The following CNTLN variants were observed in gnomAD, a reference collection of about 807,000 sequenced individuals.
The protein encoded by CNTLN is centlein.
In CNTLN, 212 loss-of-function variants were observed where a neutral mutation model predicts 180.0. The ratio of observed to expected loss-of-function variants is 1.18; its 90% CI spans 1.05 to 1.32. The LOEUF is 1.32. Among genes scored for constraint, CNTLN ranks in the 40% most tolerant of loss-of-function variants. The pLI is 0.00. For synonymous variants in CNTLN, 722 were observed against 563.1 expected (o/e 1.28, Z -3.99); for missense variants, 2,095 against 1,610.9 (o/e 1.30, Z -5.14).
chr9:17,174,095 T>A (rs1820572338), intron 2 of CNTLN, among the ~76,000 whole-genome samples: 2 of 152,230 alleles, frequency 1.3e-5, no homozygotes, highest in Non-Finnish European at 1.5e-5. Context: ...TCAGACAGCA[T>A]GTAACTTTTT....
chr9:17,300,989 G>A (rs1037672533), intron 7 of CNTLN: 1 of 983,942 alleles, frequency 1.0e-6, no homozygotes. Flanking sequence ...AATGGTAGAA[G>A]CAAGAAAAGA....
chr9:17,135,797 G>C (rs563148124), intron 1 of CNTLN, among the ~76,000 whole-genome samples: 2 of 152,224 alleles, frequency 1.3e-5, no homozygotes, highest in Non-Finnish European at 2.9e-5. Flanking sequence ...TAGTTGAAAT[G>C]AACAGGAAAG....
chr9:17,407,864 G>A (rs1306367093), intron 15 of CNTLN, among the ~76,000 whole-genome samples: 6 of 152,114 alleles, frequency 3.9e-5, no homozygotes, highest in Admixed American at 2.0e-4. Context: ...GGTGGCTCAC[G>A]CCTGTAATCC....
rs530172447 is a variant in CNTLN, at chr9:17,208,271, T to C, written c.450-17932T>C. Among the ~76,000 whole-genome samples, 73 of 152,328 alleles carry C rather than the reference T, an allele frequency of 4.8e-4. 1 individual carries two copies. In the South Asian group the frequency reaches 0.015, roughly 31 times the overall value. ...TATTATGTTGATAGGATATATCTCA[T>C]TGACTGATTTGCATATGTTGAACTA... On this transcript the variant is annotated intron_variant, in intron 2 of 25. Transcript: ENST00000380647.
At chr9:17,417,899 A>T (rs1828388461) in intron 18 of CNTLN, among the ~76,000 whole-genome samples, 1 of 152,012 alleles carries the variant, frequency 6.6e-6, no homozygotes, top group African/African-American at 2.4e-5. Context: ...TGTAAAGATA[A>T]AATTAGGAGG....
the CNTLN span, among the ~76,000 whole-genome samples, chr9:17,524,133 A>G: frequency 6.6e-6 from 1 of 152,240 alleles, no homozygotes; most frequent in South Asian, 2.1e-4. Flanking sequence ...AGAGTTTTCC[A>G]GAGAAGCAGA....
At chr9:17,231,302 C>G (rs972022662) in intron 3 of CNTLN, among the ~76,000 whole-genome samples, 1 of 152,040 alleles carries the variant, frequency 6.6e-6, no homozygotes, top group Non-Finnish European at 1.5e-5. Context: ...TTATTTAACT[C>G]TTACTTCTGT....
intron 16 of CNTLN, among the ~76,000 whole-genome samples, chr9:17,414,767 T>C (rs2133877327): frequency 6.6e-6 from 1 of 152,320 alleles, no homozygotes; most frequent in East Asian, 1.9e-4. Context: ...TTTTCTAGAT[T>C]GCATATATCT....
intron 5 of CNTLN, among the ~76,000 whole-genome samples, chr9:17,265,051 GC>G (rs760244109): frequency 2.1e-5 from 3 of 143,606 alleles, no homozygotes; most frequent in Admixed American, 7.0e-5. Flanking sequence ...CTGCCTAATT[GC>G]CCTGGCCAGA....
At chr9:17,317,250 C>T (rs540897536) in intron 8 of CNTLN, among the ~76,000 whole-genome samples, 3 of 152,042 alleles carry the variant, frequency 2.0e-5, no homozygotes, top group African/African-American at 7.2e-5. Flanking sequence ...GTGAGGTGAC[C>T]TCAAAATACG....
At chr9:17,251,205 T>G (rs910307388) in intron 5 of CNTLN, among the ~76,000 whole-genome samples, 5 of 151,904 alleles carry the variant, frequency 3.3e-5, no homozygotes, top group Admixed American at 2.6e-4. Context: ...ATTTCAAGAG[T>G]TTGATTATAA....
chr9:17,290,080 G>A (rs1829266899), intron 6 of CNTLN, among the ~76,000 whole-genome samples: 3 of 152,264 alleles, frequency 2.0e-5, no homozygotes, highest in East Asian at 1.9e-4. Context: ...AGGAGGAGAG[G>A]CGCTCTGCAT....
intron 15 of CNTLN, among the ~76,000 whole-genome samples, chr9:17,405,757 C>G (rs1240756650): frequency 6.6e-6 from 1 of 151,416 alleles, no homozygotes; most frequent in Non-Finnish European, 1.5e-5. Flanking sequence ...TGTATCCATT[C>G]TATACCTCAC....
intron 5 of CNTLN, among the ~76,000 whole-genome samples, chr9:17,259,462 T>C (rs1826779587): frequency 6.8e-6 from 1 of 148,074 alleles, no homozygotes; most frequent in African/African-American, 2.6e-5. Flanking sequence ...TCTGCCCGGC[T>C]TTGGTATCAG....
At position 17,218,211 on chromosome 9, in the gene CNTLN, A is replaced by G. The variant is rs10962911; in HGVS notation, c.450-7992A>G. Among the ~76,000 whole-genome samples, 1,275 of 152,296 alleles carry G rather than the reference A, an allele frequency of 8.4e-3. 38 individuals are homozygous for G. The highest frequency in any genetic ancestry group is 0.083 in the East Asian group (429 of 5,188). ...ATAGTTCTAAATTCTGGATTATACA[A>G]TAAAAACTCAGTTTTGTATAAAAGC... On this transcript the variant is annotated intron_variant, in intron 2 of 25. Transcript: ENST00000380647.
chr9:17,253,259 T>C (rs1024083699), intron 5 of CNTLN, among the ~76,000 whole-genome samples: 2 of 151,880 alleles, frequency 1.3e-5, no homozygotes, highest in Non-Finnish European at 2.9e-5. Context: ...CAGGCTCTTT[T>C]TTGGTTCCAT....
intron 5 of CNTLN, among the ~76,000 whole-genome samples, chr9:17,246,630 A>C (rs761434849): frequency 9.2e-5 from 14 of 152,156 alleles, no homozygotes; most frequent in Non-Finnish European, 1.8e-4. Context: ...CCTTCCCTTC[A>C]GTACGGCAAG....
intron 25 of CNTLN, among the ~76,000 whole-genome samples, chr9:17,489,880 A>G (rs1266185501): frequency 6.6e-6 from 1 of 152,120 alleles, no homozygotes; most frequent in Non-Finnish European, 1.5e-5. Flanking sequence ...ACACTGAAAA[A>G]ATCTTACTAA....
At chr9:17,420,181 T>C (rs975406087) in intron 18 of CNTLN, among the ~76,000 whole-genome samples, 8 of 152,170 alleles carry the variant, frequency 5.3e-5, no homozygotes, top group African/African-American at 1.9e-4. Flanking sequence ...TCCCAAAGTG[T>C]AGCCATTGGG....
Sources: gnomAD v4.1 joint callset for allele counts (sites outside exome capture counted in the v4.1 genomes callset) on GRCh38, gnomAD v4.1.1 for gene constraint, MANE v1.5 for transcripts, NCBI Gene and HGNC (gene_info 2026-07-23, HGNC 2026-07-21) for gene names.